Variants in EPS15 observed in about 807,000 individuals in gnomAD.
The protein encoded by EPS15 is epidermal growth factor receptor substrate 15.
EPS15 carries 72 observed loss-of-function variants against 113.8 expected under a neutral mutation model. The ratio of observed to expected loss-of-function variants is 0.63; its 90% CI spans 0.52 to 0.77. EPS15 has a LOEUF of 0.77. Among genes scored for constraint, EPS15 ranks in the 30% least tolerant of loss-of-function variants. EPS15 has a pLI of 0.00. For missense variants in EPS15, 1,048 were observed against 1,045.8 expected (o/e 1.00, Z -0.03); for synonymous variants, 344 against 363.4 (o/e 0.95, Z 0.61).
At chr1:51,400,538 T>TA (rs1444950986) in intron 19 of EPS15, among the ~76,000 whole-genome samples, 85 of 147,224 alleles carry the variant, frequency 5.8e-4, no homozygotes, top group African/African-American at 1.7e-3. Context: ...CTACAAAAAA[T>TA]AAAAAAAAAT....
intron 22 of EPS15, 58 bp downstream of exon 22, chr1:51,365,895 T>TTGTTCTTTTGGTGGAAACACAGTA: frequency 8.5e-7 from 1 of 1,175,164 alleles, no homozygotes; most frequent in Non-Finnish European, 1.2e-6. Context: ...GAAAGGAGGA[T>TTGTTCTTTTGGTGGAAACACAGTA]TGTTCTTTTG....
chr1:51,477,583 G>A lies in EPS15; in HGVS notation c.75+3690C>T, dbSNP rs573803652. ...TTAGATCTTTCCTGCTTTCTCTTGT[G>A]GGCATTTAGTGCTATAAACTTTCCT... On this transcript the variant is annotated intron_variant, in intron 2 of 24. Coordinates refer to ENST00000371733, the MANE Select transcript of EPS15 (RefSeq NM_001981.3). Among the ~76,000 whole-genome samples the A allele has an allele frequency of 4.6e-5, 7 of 151,874 alleles. No individual in the cohort carries two copies. In the South Asian group the frequency reaches 1.5e-3, roughly 32 times the overall value.
intron 21 of EPS15, among the ~76,000 whole-genome samples, chr1:51,370,123 G>A (rs1188555539): frequency 1.3e-5 from 2 of 152,292 alleles, no homozygotes; most frequent in Admixed American, 1.3e-4. Flanking sequence ...GGCCCAGTAA[G>A]ATTATAATTG....
chr1:51,518,833 C>T (rs1292446233), intron 1 of EPS15, among the ~76,000 whole-genome samples: 1 of 151,780 alleles, frequency 6.6e-6, no homozygotes, highest in Non-Finnish European at 1.5e-5. Context: ...GGGATGCGTG[C>T]GGCCCTGTGG....
chr1:51,458,719 A>G (rs1376263087), intron 8 of EPS15: 1 of 239,766 alleles, frequency 4.2e-6, no homozygotes, highest in South Asian at 3.5e-5. Context: ...CCTGAGTGAC[A>G]GAGTGAGACT....
chr1:51,364,078 G>A, intron 22 of EPS15, 50 bp from the exon 23 acceptor site: 1 of 1,328,282 alleles, frequency 7.5e-7, no homozygotes, highest in Non-Finnish European at 1.0e-6. Context: ...GCAAATTGTG[G>A]TAGTCATGTA....
At chr1:51,435,103 TAAA>T (rs1045370241) in intron 12 of EPS15, among the ~76,000 whole-genome samples, 1 of 148,806 alleles carries the variant, frequency 6.7e-6, no homozygotes. Context: ...GCAGAATATT[TAAA>T]AAAAAAAATC....
At chr1:51,357,433 T>A (rs1646262077) in intron 24 of EPS15, among the ~76,000 whole-genome samples, 1 of 118,014 alleles carries the variant, frequency 8.5e-6, no homozygotes, top group East Asian at 2.0e-4. Context: ...TATATTTTTT[T>A]TTTTTAAATG....
At chr1:51,422,617 C>T (rs753863114) in intron 12 of EPS15, among the ~76,000 whole-genome samples, 4 of 152,230 alleles carry the variant, frequency 2.6e-5, no homozygotes, top group Admixed American at 1.3e-4. Context: ...TGGCTATGAA[C>T]GAATCCCAAG....
At chr1:51,455,079 A>G (rs1653876422) in intron 8 of EPS15, among the ~76,000 whole-genome samples, 2 of 152,198 alleles carry the variant, frequency 1.3e-5, no homozygotes, top group Admixed American at 1.3e-4. Context: ...TCATTCACCA[A>G]ATACTAGATT....
intron 1 of EPS15, among the ~76,000 whole-genome samples, chr1:51,484,172 A>G (rs1057061849): frequency 6.6e-6 from 1 of 152,158 alleles, no homozygotes; most frequent in African/African-American, 2.4e-5. Flanking sequence ...TGCTTCCCAT[A>G]TGCCCTGGTA....
At chr1:51,440,304 T>TGC in intron 12 of EPS15, 43 bp downstream of exon 12, 1 of 726,144 alleles carries the variant, frequency 1.4e-6, no homozygotes, top group East Asian at 2.5e-5. Flanking sequence ...TGTGTGTGTG[T>TGC]GTGTGTGTGT....
rs1001214147 is a variant in EPS15, at chr1:51,425,885, A to G, written c.1041-4027T>C. 3.9e-4 allele frequency among the ~76,000 whole-genome samples: 59 copies of G among 152,314 alleles called. 1 individual carries two copies. The highest frequency in any genetic ancestry group is 1.4e-3 in the African/African-American group (59 of 41,570). On this transcript the variant is annotated intron_variant, in intron 12 of 24. Coordinates refer to ENST00000371733, the MANE Select transcript of EPS15 (RefSeq NM_001981.3). ...TTAAACAACAGTGAAGTAGTTTTTA[A>G]ATTTGTTAAAAGGAATTATGGGTTA...
intron 21 of EPS15, among the ~76,000 whole-genome samples, chr1:51,371,016 A>G (rs1220387424): frequency 6.6e-6 from 1 of 152,006 alleles, no homozygotes; most frequent in Non-Finnish European, 1.5e-5. Flanking sequence ...CCCGGGTTAA[A>G]GCGATTCTTG....
chr1:51,454,680 A>G (rs1172346948), intron 8 of EPS15, among the ~76,000 whole-genome samples: 1 of 152,220 alleles, frequency 6.6e-6, no homozygotes, highest in Non-Finnish European at 1.5e-5. Context: ...CTCATATACC[A>G]GAGAGACTGA....
At chr1:51,406,585 T>C (rs1009279170) in intron 15 of EPS15, among the ~76,000 whole-genome samples, 1 of 152,206 alleles carries the variant, frequency 6.6e-6, no homozygotes, top group African/African-American at 2.4e-5. Context: ...GATTCAGTAA[T>C]TTCTGACAAT....
At chr1:51,429,776 G>A (rs1207015547) in intron 12 of EPS15, among the ~76,000 whole-genome samples, 5 of 151,460 alleles carry the variant, frequency 3.3e-5, no homozygotes, top group Admixed American at 6.6e-5. Context: ...TCAGCCTTCC[G>A]AGTAGCTGGG....
intron 21 of EPS15, among the ~76,000 whole-genome samples, chr1:51,392,179 C>A (rs1370190805): frequency 1.3e-5 from 2 of 152,154 alleles, no homozygotes; most frequent in Non-Finnish European, 2.9e-5. Context: ...AAACCAGAGA[C>A]CTCATTTGAA....
chr1:51,479,686 G>C (rs1643984704), intron 2 of EPS15, among the ~76,000 whole-genome samples: 2 of 152,206 alleles, frequency 1.3e-5, no homozygotes, highest in Admixed American at 1.3e-4. Context: ...GGGTTCAATA[G>C]CAATTTGTTT....
Sources: allele counts gnomAD v4.1 joint callset (sites outside exome capture counted in the v4.1 genomes callset), GRCh38; gene constraint gnomAD v4.1.1; transcripts MANE v1.5; gene names NCBI Gene and HGNC (gene_info 2026-07-23, HGNC 2026-07-21).